The following SPOCK1 variants were observed in gnomAD, a reference collection of about 807,000 sequenced individuals.
The protein encoded by SPOCK1 is SPARC (osteonectin), cwcv and kazal like domains proteoglycan 1, also known as testican-1.
SPOCK1 carries 23 observed loss-of-function variants against 55.3 expected under a neutral mutation model. The observed-to-expected ratio is 0.42, with a 90% CI of 0.30 to 0.59. SPOCK1 has a LOEUF of 0.59. SPOCK1 is among the 20% of genes least tolerant of loss of function. SPOCK1 has a pLI of 0.22. For synonymous variants in SPOCK1, 226 were observed against 221.0 expected (o/e 1.02, Z -0.20); for missense variants, 499 against 552.5 (o/e 0.90, Z 0.97).
chr5:137,384,950 T>C (rs183224046), intron 2 of SPOCK1, among the ~76,000 whole-genome samples: 515 of 152,206 alleles, frequency 3.4e-3, no homozygotes, highest in Middle Eastern at 0.01. Context: ...CCATAACTAC[T>C]GTAGGATGGG....
At chr5:137,118,535 T>C (rs1481533704) in intron 4 of SPOCK1, among the ~76,000 whole-genome samples, 1 of 152,184 alleles carries the variant, frequency 6.6e-6, no homozygotes, top group East Asian at 1.9e-4. Context: ...AAGACATCAA[T>C]GTGACCCAGC....
chr5:137,140,305 C>T (rs1004229230), intron 4 of SPOCK1, among the ~76,000 whole-genome samples: 4 of 152,124 alleles, frequency 2.6e-5, no homozygotes, highest in Non-Finnish European at 2.9e-5. Flanking sequence ...TCAATCATGA[C>T]CAAGAAGGAA....
intron 4 of SPOCK1, among the ~76,000 whole-genome samples, chr5:137,140,279 T>TG (rs1335626720): frequency 6.6e-6 from 1 of 152,222 alleles, no homozygotes; most frequent in Non-Finnish European, 1.5e-5. Flanking sequence ...GGCATCACTC[T>TG]GGGAGGAGAA....
chr5:137,389,890 C>A (rs1366261925), intron 2 of SPOCK1, among the ~76,000 whole-genome samples: 2 of 152,210 alleles, frequency 1.3e-5, no homozygotes, highest in Non-Finnish European at 2.9e-5. Flanking sequence ...TTAACCAATT[C>A]TGTGATGTGA....
chr5:137,106,410 G>A (rs774562346), intron 5 of SPOCK1, among the ~76,000 whole-genome samples: 7 of 152,148 alleles, frequency 4.6e-5, no homozygotes, highest in Non-Finnish European at 8.8e-5. Context: ...AGAAAGGAAA[G>A]GATTCCAGAA....
intron 3 of SPOCK1, among the ~76,000 whole-genome samples, chr5:137,174,227 T>C (rs1754809164): frequency 6.6e-6 from 1 of 152,234 alleles, no homozygotes; most frequent in African/African-American, 2.4e-5. Context: ...GGACTCTTTC[T>C]GCAACTTCAA....
chr5:137,178,599 A>G (rs1036266697), intron 3 of SPOCK1, among the ~76,000 whole-genome samples: 7 of 152,240 alleles, frequency 4.6e-5, no homozygotes, highest in African/African-American at 1.7e-4. Flanking sequence ...CTTTCTCTAC[A>G]GAGTCTGCGG....
intron 2 of SPOCK1, among the ~76,000 whole-genome samples, chr5:137,434,290 A>G (rs1752809081): frequency 6.6e-6 from 1 of 152,116 alleles, no homozygotes; most frequent in South Asian, 2.1e-4. Flanking sequence ...CCTTCACAAT[A>G]GAATTTACCT....
intron 6 of SPOCK1, among the ~76,000 whole-genome samples, chr5:137,010,544 T>C (rs2126974223): frequency 6.6e-6 from 1 of 152,210 alleles, no homozygotes; most frequent in Non-Finnish European, 1.5e-5. Flanking sequence ...CTATCATCTC[T>C]ACTACATACC....
chr5:137,105,650 C>A (rs1044712708), intron 5 of SPOCK1, among the ~76,000 whole-genome samples: 1 of 152,112 alleles, frequency 6.6e-6, no homozygotes, highest in African/African-American at 2.4e-5. Context: ...ATTAAGATGC[C>A]TCTGAAAAAA....
chr5:137,161,546 T>C (rs1283899502), intron 3 of SPOCK1, among the ~76,000 whole-genome samples: 1 of 152,148 alleles, frequency 6.6e-6, no homozygotes, highest in Non-Finnish European at 1.5e-5. Flanking sequence ...TTTTTATGAT[T>C]TATATTTTGT....
chr5:137,063,294 C>T (rs965560332), intron 6 of SPOCK1, among the ~76,000 whole-genome samples: 1 of 151,256 alleles, frequency 6.6e-6, no homozygotes, highest in African/African-American at 2.4e-5. Context: ...GATGGTCCCA[C>T]CTTCCACCAT....
rs151194828 is a variant in SPOCK1, at chr5:137,248,505, C to G, written c.232+18505G>C. On this transcript the variant is annotated intron_variant, in intron 3 of 10. Coordinates refer to ENST00000394945, the MANE Select transcript of SPOCK1 (RefSeq NM_004598.4). ...GCTACTTCTGTGGCTCCCTCAGAAC[C>G]ATTCATTGATCTCTATCATGCAGTA... Among the ~76,000 whole-genome samples the G allele has an allele frequency of 1.9e-4, 29 of 152,270 alleles. 1 individual carries two copies. In the East Asian group the frequency reaches 5.6e-3, roughly 29 times the overall value.
At chr5:137,197,032 T>C (rs950661798) in intron 3 of SPOCK1, among the ~76,000 whole-genome samples, 4 of 152,200 alleles carry the variant, frequency 2.6e-5, no homozygotes, top group African/African-American at 4.8e-5. Context: ...AAGTCCCCTA[T>C]GTGCCAGGAT....
chr5:137,273,345 T>G, intron 2 of SPOCK1: 1 of 981,418 alleles, frequency 1.0e-6, no homozygotes, highest in Non-Finnish European at 1.2e-6. Context: ...TAATGCTATG[T>G]CTACATACAG....
At chr5:137,034,150 C>G (rs577963709) in intron 6 of SPOCK1, among the ~76,000 whole-genome samples, 60 of 152,330 alleles carry the variant, frequency 3.9e-4, no homozygotes, top group African/African-American at 1.4e-3. Context: ...CTCTCCTGCC[C>G]TGGAGGACAG....
chr5:137,228,374 C>T (rs573490805), intron 3 of SPOCK1, among the ~76,000 whole-genome samples: 12 of 152,360 alleles, frequency 7.9e-5, no homozygotes, highest in African/African-American at 2.9e-4. Flanking sequence ...GATGCAGCAG[C>T]TCATGCCTGT....
rs1039472383 is a variant in SPOCK1 at position 136,990,452 on chromosome 5, G to A, written c.707-1809C>T. On this transcript the variant is annotated intron_variant, in intron 7 of 10. Transcript: ENST00000394945. ...AAAAAAAAAAAAAATGTTGGGAGAC[G>A]TTTTCTAGCTATTGTAAACTCTATT... Among the ~76,000 whole-genome samples, 15 of 150,944 alleles carry A rather than the reference G, an allele frequency of 9.9e-5. 1 individual carries two copies. Among genetic ancestry groups the A allele is most frequent in the African/African-American group, 3.6e-4 (15 of 41,142 alleles).
At chr5:137,080,015 G>A (rs1752855868) in intron 5 of SPOCK1, among the ~76,000 whole-genome samples, 2 of 152,142 alleles carry the variant, frequency 1.3e-5, no homozygotes, top group Non-Finnish European at 2.9e-5. Context: ...ATACAGATAC[G>A]AGCACTAAGT....
Sources: allele counts gnomAD v4.1 joint callset (sites outside exome capture counted in the v4.1 genomes callset), GRCh38; gene constraint gnomAD v4.1.1; transcripts MANE v1.5; gene names NCBI Gene and HGNC (gene_info 2026-07-23, HGNC 2026-07-21).